Variants in MAML2 observed in about 807,000 individuals in gnomAD.
The protein encoded by MAML2 is mastermind-like protein 2.
A neutral mutation model predicts 96.1 loss-of-function variants in MAML2; 22 were observed. The ratio of observed to expected loss-of-function variants is 0.23; its 90% CI spans 0.16 to 0.33. The LOEUF is 0.33. MAML2 is among the 10% of genes least tolerant of loss of function. The probability of loss-of-function intolerance (pLI) is 1.00; values close to 1 mark genes in which losing one functional copy is unlikely to be tolerated. For synonymous variants in MAML2, 561 were observed against 521.3 expected, an observed-to-expected ratio of 1.08 and a Z score of -1.04; for missense variants, 1,367 against 1,392.4, an observed-to-expected ratio of 0.98 and a Z score of 0.29.
intron 1 of MAML2, among the ~76,000 whole-genome samples, chr11:96,116,081 T>C (rs1860235735): frequency 6.6e-6 from 1 of 152,196 alleles, no homozygotes; most frequent in Non-Finnish European, 1.5e-5. Context: ...GGGATTCTAA[T>C]GTAGCAACAC....
intron 1 of MAML2, among the ~76,000 whole-genome samples, chr11:96,118,103 A>G (rs547478914): frequency 2.6e-5 from 4 of 152,358 alleles, no homozygotes; most frequent in Admixed American, 2.0e-4. Flanking sequence ...GAAGCACATC[A>G]TCTGGTAGAG....
intron 1 of MAML2, among the ~76,000 whole-genome samples, chr11:96,146,496 A>ATATC (rs1185039584): frequency 6.6e-5 from 10 of 152,320 alleles, no homozygotes; most frequent in African/African-American, 2.4e-4. Context: ...AATCTAAGAT[A>ATATC]TATCACCTGC....
chr11:96,089,240 T>C (rs1859667338), intron 2 of MAML2, among the ~76,000 whole-genome samples: 1 of 152,166 alleles, frequency 6.6e-6, no homozygotes, highest in South Asian at 2.1e-4. Context: ...TTAAAACTAC[T>C]CTGAGTTGAG....
intron 1 of MAML2, among the ~76,000 whole-genome samples, chr11:96,134,782 A>G (rs1049387447): frequency 2.6e-5 from 4 of 152,238 alleles, no homozygotes; most frequent in African/African-American, 9.6e-5. Context: ...AATGGTTACC[A>G]TGGAAAGTCA....
chr11:96,226,279 C>G (rs1591082825), intron 1 of MAML2, among the ~76,000 whole-genome samples: 1 of 152,110 alleles, frequency 6.6e-6, no homozygotes, highest in African/African-American at 2.4e-5. Flanking sequence ...AGGTAAGGTC[C>G]CAAACAATGC....
chr11:96,158,153 T>G (rs1459398719), intron 1 of MAML2, among the ~76,000 whole-genome samples: 1 of 152,200 alleles, frequency 6.6e-6, no homozygotes, highest in African/African-American at 2.4e-5. Context: ...CTTGCTAAAA[T>G]GAATTACATG....
chr11:96,246,301 G>A (rs1220746065), intron 1 of MAML2, among the ~76,000 whole-genome samples: 2 of 152,020 alleles, frequency 1.3e-5, no homozygotes, highest in Non-Finnish European at 2.9e-5. Context: ...GCATTTTTTG[G>A]ATTCTGAAGT....
chr11:96,129,961 A>C (rs971730169), intron 1 of MAML2, among the ~76,000 whole-genome samples: 3 of 152,236 alleles, frequency 2.0e-5, no homozygotes, highest in African/African-American at 7.2e-5. Flanking sequence ...TACTAGGTAT[A>C]ATGGAAAGTT....
At chr11:96,279,449 C>T (rs1375887793) in intron 1 of MAML2, among the ~76,000 whole-genome samples, 1 of 152,124 alleles carries the variant, frequency 6.6e-6, no homozygotes, top group Non-Finnish European at 1.5e-5. Flanking sequence ...ATTCAGTATA[C>T]AGATGAACAA....
At chr11:96,267,469 T>A (rs529896385) in intron 1 of MAML2, among the ~76,000 whole-genome samples, 1 of 152,000 alleles carries the variant, frequency 6.6e-6, no homozygotes, top group African/African-American at 2.4e-5. Context: ...AAAAACAAAA[T>A]CAAAATCCTT....
At chr11:96,044,577 A>C (rs1464790267) in intron 2 of MAML2, among the ~76,000 whole-genome samples, 2 of 152,164 alleles carry the variant, frequency 1.3e-5, no homozygotes, top group Admixed American at 1.3e-4. Context: ...AGTGCTCAAT[A>C]ATTATATTTG....
intron 2 of MAML2, among the ~76,000 whole-genome samples, chr11:96,014,907 C>T (rs2135731047): frequency 6.6e-6 from 1 of 152,274 alleles, no homozygotes; most frequent in African/African-American, 2.4e-5. Flanking sequence ...TCATCAATAA[C>T]TATAATAGCT....
intron 1 of MAML2, among the ~76,000 whole-genome samples, chr11:96,328,879 G>T (rs1447068020): frequency 6.6e-6 from 1 of 152,074 alleles, no homozygotes; most frequent in Non-Finnish European, 1.5e-5. Flanking sequence ...GCAATTTCTT[G>T]ACTCTCTTTT....
chr11:96,234,347 GGCA>G (rs1188005552), intron 1 of MAML2, among the ~76,000 whole-genome samples: 1 of 152,156 alleles, frequency 6.6e-6, no homozygotes, highest in Non-Finnish European at 1.5e-5. Flanking sequence ...CAGGTGTGGT[GGCA>G]CATGCCTGTA....
rs114006943 is a variant in MAML2, at chr11:96,051,141, A to C, written c.2139+40751T>G. Among the ~76,000 whole-genome samples the C allele has an allele frequency of 4.8e-3, 735 of 152,302 alleles. 4 individuals carry two copies. Among genetic ancestry groups the C allele is most frequent in the African/African-American group, 0.017 (701 of 41,566 alleles). On this transcript the variant is annotated intron_variant, in intron 2 of 4. Transcript: ENST00000524717. The stretch of plus-strand genomic sequence containing the variant: ...TCTTCTGTAGTGCCTTTATCTATAG[A>C]AACTTAAAATTAATTCATCCATCCA...
At chr11:96,140,608 A>G (rs1290601613) in intron 1 of MAML2, among the ~76,000 whole-genome samples, 2 of 152,212 alleles carry the variant, frequency 1.3e-5, no homozygotes, top group Admixed American at 1.3e-4. Context: ...TCCAGTTGAT[A>G]TAGCCTGGAG....
At chr11:96,262,535 T>C (rs1862765112) in intron 1 of MAML2, among the ~76,000 whole-genome samples, 1 of 151,936 alleles carries the variant, frequency 6.6e-6, no homozygotes, top group Non-Finnish European at 1.5e-5. Context: ...TGGCGCAATC[T>C]CAGCTCACTG....
At chr11:96,305,940 G>T (rs936735538) in intron 1 of MAML2, among the ~76,000 whole-genome samples, 2 of 152,102 alleles carry the variant, frequency 1.3e-5, no homozygotes, top group Non-Finnish European at 2.9e-5. Flanking sequence ...AAAGTGAAAT[G>T]CTCCTAGAAA....
chr11:96,007,344 A>G (rs1858199313), intron 2 of MAML2, among the ~76,000 whole-genome samples: 1 of 152,096 alleles, frequency 6.6e-6, no homozygotes, highest in Admixed American at 6.5e-5. Flanking sequence ...TTTTTCTTCT[A>G]TAAAGATTTC....
Sources: allele counts gnomAD v4.1 joint callset (sites outside exome capture counted in the v4.1 genomes callset), GRCh38; gene constraint gnomAD v4.1.1; transcripts MANE v1.5; gene names NCBI Gene and HGNC (gene_info 2026-07-23, HGNC 2026-07-21).